Variants in SYNE1 observed in about 807,000 individuals in gnomAD.
SYNE1 encodes spectrin repeat containing nuclear envelope protein 1.
A neutral mutation model predicts 1,111.0 loss-of-function variants in SYNE1; 616 were observed. That is an observed-to-expected ratio of 0.55 (90% CI 0.52 to 0.59). SYNE1 has a LOEUF of 0.59. Among genes scored for constraint, SYNE1 ranks in the 20% least tolerant of loss-of-function variants. The pLI is 0.00. For synonymous variants in SYNE1, 3,855 were observed against 3,825.8 expected, an observed-to-expected ratio of 1.01 and a Z score of -0.28; for missense variants, 10,006 against 10,417.0, an observed-to-expected ratio of 0.96 and a Z score of 1.72.
At chr6:152,367,069 C>A (rs2097094595) in intron 62 of SYNE1, 149 bp downstream of exon 62, 1 of 956,838 alleles carries the variant, frequency 1.0e-6, no homozygotes, top group Admixed American at 1.8e-5. Flanking sequence ...CTGGCATGTG[C>A]ACCCAAGGCA....
At chr6:152,226,483 A>G (rs1348149391) in intron 115 of SYNE1, among the ~76,000 whole-genome samples, 3 of 152,214 alleles carry the variant, frequency 2.0e-5, no homozygotes, top group Non-Finnish European at 4.4e-5. Context: ...GAAAGGCTTC[A>G]GGCTTCTTTG....
chr6:152,562,832 C>A (rs1177311183), intron 3 of SYNE1, among the ~76,000 whole-genome samples: 1 of 152,086 alleles, frequency 6.6e-6, no homozygotes, highest in African/African-American at 2.4e-5. Flanking sequence ...TATCAATCAT[C>A]TAAATTTTCA....
chr6:152,520,580 T>A, intron 5 of SYNE1, 38 bp from the exon 6 acceptor site: 1 of 1,599,172 alleles, frequency 6.3e-7, no homozygotes, highest in Non-Finnish European at 8.6e-7. Flanking sequence ...TGAGACAAAA[T>A]CTGCATATTA....
intron 127 of SYNE1, among the ~76,000 whole-genome samples, chr6:152,193,036 CT>C (rs2073010010): frequency 6.6e-6 from 1 of 151,992 alleles, no homozygotes; most frequent in Admixed American, 6.6e-5. Context: ...TCAATGTCTT[CT>C]GAGTTTAGTT....
chr6:152,151,009 C>T (rs539291380), intron 135 of SYNE1, among the ~76,000 whole-genome samples: 2 of 152,170 alleles, frequency 1.3e-5, no homozygotes, highest in African/African-American at 2.4e-5. Context: ...GTTAGGAGTT[C>T]GAGACCAGCC....
intron 127 of SYNE1, among the ~76,000 whole-genome samples, chr6:152,201,373 T>G (rs1045778613): frequency 7.2e-5 from 11 of 152,104 alleles, no homozygotes; most frequent in African/African-American, 2.7e-4. Context: ...ATGCAGTCAC[T>G]GAGATAAGCT....
intron 16 of SYNE1, among the ~76,000 whole-genome samples, chr6:152,469,313 T>TTTATTA (rs1367847309): frequency 2.6e-5 from 4 of 151,818 alleles, no homozygotes; most frequent in Admixed American, 2.0e-4. Flanking sequence ...TTCCTACCAT[T>TTTATTA]TCATTATTAT....
In SYNE1 at chr6:152,417,155, T is replaced by C. The variant is rs1250771270; in HGVS notation, c.5422-140A>G. 8 of 1,304,062 alleles carry C rather than the reference T, an allele frequency of 6.1e-6. No homozygotes were observed. In the Admixed American group the frequency reaches 1.6e-4, roughly 27 times the overall value. The allele number at this position is 1,304,062 out of a possible 1,614,324, so 80.8% of individuals were successfully genotyped here. On this transcript the variant is annotated intron_variant, in intron 40 of 145. Coordinates refer to ENST00000367255, the MANE Select transcript of SYNE1 (RefSeq NM_182961.4). ...CTTAAAGGTCATCTACAGTGAATCT[T>C]AGAAAATTCACAAAATTTTCTGTTT...
At chr6:152,605,006 AAGAG>A (rs1166561188) in intron 3 of SYNE1, among the ~76,000 whole-genome samples, 46 of 25,584 alleles carry the variant, frequency 1.8e-3, no homozygotes, top group African/African-American at 2.9e-3. Context: ...GAAAGAAAGA[AAGAG>A]AGAGAGAGAG....
In SYNE1 at chr6:152,607,724, A is replaced by T. The variant is rs557404056; in HGVS notation, c.67+20541T>A. Among the ~76,000 whole-genome samples, 45 of 152,362 alleles carry T rather than the reference A, an allele frequency of 3.0e-4. 2 individuals carry two copies. In the South Asian group the frequency reaches 9.1e-3, roughly 31 times the overall value. ...TCCTAAATCATTCTATTATCAAGATACATGCACACATATATTTATTGCAGC... is the reference window on the plus strand; with the variant it reads ...TCCTAAATCATTCTATTATCAAGATTCATGCACACATATATTTATTGCAGC... On this transcript the variant is annotated intron_variant, in intron 3 of 145. Transcript: ENST00000367255.
rs577675508 is a variant in SYNE1 at position 152,330,172 on chromosome 6, T to C, written c.14513A>G (p.His4838Arg). The change falls in exon 78 of 146, where the codon CAT becomes CGT. Residue 4838 changes from histidine to arginine, a missense_variant. Physicochemically the swap from His to Arg is conservative, Grantham distance 29. Around this residue, in one of 7 missense-constraint regions of SYNE1, gnomAD observed 4,955 missense variants for 5,017.2 expected, o/e 0.99. Transcript: ENST00000367255. ...AAGGTGTGGGGCAAGATCTTCAAGA[T>C]GTATGGTTACTCGTTTCAGTACAAT... ...SGIVLKRVTI[H>R]LEDLAPHLDP... 5 of 1,614,196 alleles carry C rather than the reference T, an allele frequency of 3.1e-6. No homozygotes were observed. In the East Asian group the frequency reaches 1.1e-4, roughly 36 times the overall value.
intron 95 of SYNE1, among the ~76,000 whole-genome samples, chr6:152,287,827 A>G (rs1416839769): frequency 2.0e-5 from 3 of 152,174 alleles, no homozygotes; most frequent in Non-Finnish European, 4.4e-5. Flanking sequence ...GATTACAGGC[A>G]TGAGCCACCG....
intron 51 of SYNE1, among the ~76,000 whole-genome samples, 166 bp from the exon 52 acceptor site, chr6:152,391,734 C>A (rs2097644012): frequency 6.6e-6 from 1 of 152,122 alleles, no homozygotes; most frequent in African/African-American, 2.4e-5. Flanking sequence ...TTATTTCATT[C>A]TCTTATGATC....
rs181804585 is a variant in SYNE1, at chr6:152,509,752, G to A, written c.581+441C>T. Among the ~76,000 whole-genome samples, 995 of 150,428 alleles carry A rather than the reference G, an allele frequency of 6.6e-3. 12 individuals are homozygous for A. The highest frequency in any genetic ancestry group is 0.023 in the African/African-American group (947 of 40,704). On this transcript the variant is annotated intron_variant, in intron 8 of 145. Transcript: ENST00000367255. ...AAACTAAAATTGCTAGAAAGTTTCA[G>A]AACATAAAAAAAAAATGTTTTTGGA...
intron 3 of SYNE1, among the ~76,000 whole-genome samples, chr6:152,610,847 C>T (rs756841257): frequency 4.6e-5 from 7 of 152,244 alleles, no homozygotes; most frequent in African/African-American, 1.7e-4. Flanking sequence ...ATTCAACATT[C>T]TTAAAGAAAA....
intron 58 of SYNE1, among the ~76,000 whole-genome samples, chr6:152,375,095 C>G (rs2097257336): frequency 6.6e-6 from 1 of 151,978 alleles, no homozygotes; most frequent in Non-Finnish European, 1.5e-5. Context: ...CGCCTGCCAC[C>G]ACGCTTGGCT....
intron 84 of SYNE1, among the ~76,000 whole-genome samples, chr6:152,319,733 A>G (rs2095825828): frequency 6.6e-6 from 1 of 152,218 alleles, no homozygotes; most frequent in Admixed American, 6.5e-5. Flanking sequence ...ATTAAAAGAG[A>G]GTTAATGGTG....
At chr6:152,398,928 A>G (rs1427059492) in intron 48 of SYNE1, among the ~76,000 whole-genome samples, 197 bp from the exon 49 acceptor site, 1 of 152,236 alleles carries the variant, frequency 6.6e-6, no homozygotes, top group African/African-American at 2.4e-5. Context: ...TGTTCATGGT[A>G]GAATTGAGAA....
At position 152,164,806 on chromosome 6, in the gene SYNE1, C is replaced by T. The variant is rs184451228; in HGVS notation, c.23628-481G>A. ...TTTAAAAATTGCTGCTACCTTTAGA[C>T]TATGAGTCTCGCCTTTTGGTTCAGG... On this transcript the variant is annotated intron_variant, in intron 130 of 145. Coordinates refer to ENST00000367255, the MANE Select transcript of SYNE1 (RefSeq NM_182961.4). Among the ~76,000 whole-genome samples, 4 of 152,274 alleles carry T rather than the reference C, an allele frequency of 2.6e-5. No individual in the cohort carries two copies. The East Asian group carries it at 7.7e-4, about 29-fold the overall frequency.
Sources: gnomAD v4.1 joint callset for allele counts (sites outside exome capture counted in the v4.1 genomes callset) on GRCh38, gnomAD v4.1.1 for gene constraint, gnomAD v4.1.1 regional missense constraint, MANE v1.5 for transcripts, NCBI Gene and HGNC (gene_info 2026-07-23, HGNC 2026-07-21) for gene names.